The following MAP3K13 variants were observed in gnomAD, a reference collection of about 807,000 sequenced individuals.
MAP3K13 encodes mitogen-activated protein kinase kinase kinase 13, also known as leucine zipper-bearing kinase.
MAP3K13 carries 52 observed loss-of-function variants against 104.0 expected under a neutral mutation model. That is an observed-to-expected ratio of 0.50 (90% CI 0.40 to 0.63). The LOEUF (loss-of-function observed/expected upper bound fraction) is 0.63, where lower values mean the gene tolerates loss of function less well. Ranked by LOEUF, MAP3K13 falls within the 20% of genes least tolerant of loss-of-function variation. MAP3K13 has a pLI of 0.00. For missense variants in MAP3K13, 914 were observed against 1,218.5 expected (o/e 0.75, Z 3.72); for synonymous variants, 394 against 442.2 (o/e 0.89, Z 1.37).
At position 185,372,099 on chromosome 3, in the gene MAP3K13, A is replaced by G. The variant is rs552027639; in HGVS notation, c.-86+8731A>G. Among the ~76,000 whole-genome samples, 9 of 152,324 alleles carry G rather than the reference A, an allele frequency of 5.9e-5. No homozygotes were observed. The South Asian group carries it at 6.2e-4, about 11-fold the overall frequency. ...ACTCACCAATTATTTCCTCTCCCAT[A>G]ACAAATTTAGATACTATGCACACTA... On this transcript the variant is annotated intron_variant, in intron 1 of 13. Transcript: ENST00000265026.
intron 1 of MAP3K13, among the ~76,000 whole-genome samples, chr3:185,402,647 C>G (rs1413718806): frequency 6.6e-6 from 1 of 152,150 alleles, no homozygotes; most frequent in Non-Finnish European, 1.5e-5. Context: ...ACGTAGAGGC[C>G]AGATGATGCC....
chr3:185,420,240 G>A (rs995961593), intron 1 of MAP3K13, among the ~76,000 whole-genome samples: 1 of 151,986 alleles, frequency 6.6e-6, no homozygotes, highest in Admixed American at 6.6e-5. Context: ...TCAGGAGATG[G>A]TCCACAGTTA....
At chr3:185,384,367 T>C (rs1488072219) in intron 1 of MAP3K13, among the ~76,000 whole-genome samples, 1 of 151,716 alleles carries the variant, frequency 6.6e-6, no homozygotes, top group Non-Finnish European at 1.5e-5. Context: ...CATTTAACCA[T>C]TGATGAATAC....
intron 1 of MAP3K13, among the ~76,000 whole-genome samples, chr3:185,284,330 C>T (rs1358244910): frequency 1.3e-5 from 2 of 152,098 alleles, no homozygotes; most frequent in Non-Finnish European, 2.9e-5. Context: ...GTAAGGTTAA[C>T]TCCTTCTGAA....
intron 2 of MAP3K13, among the ~76,000 whole-genome samples, chr3:185,333,725 A>G (rs1324104177): frequency 6.6e-6 from 1 of 152,084 alleles, no homozygotes; most frequent in Non-Finnish European, 1.5e-5. Context: ...AAGACTTCAT[A>G]TCCATTTAAA....
At chr3:185,397,623 T>A (rs2108774071) in intron 1 of MAP3K13, among the ~76,000 whole-genome samples, 1 of 152,346 alleles carries the variant, frequency 6.6e-6, no homozygotes, top group East Asian at 1.9e-4. Context: ...AAGATCTCCT[T>A]AAAGCTCTCT....
At chr3:185,320,274 T>A (rs370385652) in intron 2 of MAP3K13, among the ~76,000 whole-genome samples, 1 of 152,008 alleles carries the variant, frequency 6.6e-6, no homozygotes, top group South Asian at 2.1e-4. Context: ...AGAGATAAGG[T>A]CTCACCATGT....
intron 7 of MAP3K13, among the ~76,000 whole-genome samples, chr3:185,455,016 T>TGAGATATATATGA (rs1208622133): frequency 7.9e-5 from 6 of 75,802 alleles, no homozygotes; most frequent in African/African-American, 2.8e-4. Context: ...GAGATATATA[T>TGAGATATATATGA]GATATATATG....
chr3:185,432,496 T>C (rs1714805062), intron 2 of MAP3K13, among the ~76,000 whole-genome samples: 1 of 152,092 alleles, frequency 6.6e-6, no homozygotes, highest in Admixed American at 6.6e-5. Flanking sequence ...GGCCCTAATT[T>C]GTTATTTTTT....
At chr3:185,283,374 G>A (rs1216651935) in intron 1 of MAP3K13, among the ~76,000 whole-genome samples, 2 of 152,036 alleles carry the variant, frequency 1.3e-5, no homozygotes, top group African/African-American at 2.4e-5. Context: ...CACCTACCCC[G>A]ACCTGTTCTG....
intron 1 of MAP3K13, among the ~76,000 whole-genome samples, chr3:185,404,823 C>T (rs377257554): frequency 4.6e-5 from 7 of 152,146 alleles, no homozygotes; most frequent in Admixed American, 1.3e-4. Flanking sequence ...GTGATCCGCC[C>T]GCCTCGCCTC....
At chr3:185,422,111 C>T (rs774575041) in intron 1 of MAP3K13, among the ~76,000 whole-genome samples, 5 of 152,180 alleles carry the variant, frequency 3.3e-5, no homozygotes, top group African/African-American at 1.2e-4. Flanking sequence ...TGTGGATAGG[C>T]GCAGGGTCAC....
intron 2 of MAP3K13, among the ~76,000 whole-genome samples, chr3:185,351,057 C>T (rs1723121820): frequency 6.6e-6 from 1 of 152,192 alleles, no homozygotes; most frequent in Non-Finnish European, 1.5e-5. Context: ...ATATTCCGTG[C>T]AGCAACATGG....
intron 2 of MAP3K13, among the ~76,000 whole-genome samples, chr3:185,300,552 C>T (rs879742290): frequency 2.0e-5 from 3 of 151,150 alleles, no homozygotes; most frequent in Admixed American, 6.6e-5. Flanking sequence ...AGTGCAATGG[C>T]GCCATCTCGG....
rs777002455 is a variant in MAP3K13 at position 185,428,883 on chromosome 3, A to C, written c.302A>C (p.Asn101Thr). ...DESETAVSQGNSNTVDGESTS... is the reference protein window; with the variant it reads ...DESETAVSQGTSNTVDGESTS... ...TCAGAGACGGCGGTGTCTCAGGGGAACAGCAACACGGTGGACGGAGAGAGC... is the reference window on the plus strand; with the variant it reads ...TCAGAGACGGCGGTGTCTCAGGGGACCAGCAACACGGTGGACGGAGAGAGC... Residue 101 changes from asparagine (N) to threonine (T), a missense_variant, in exon 2 of 14, where the codon AAC becomes ACC. Around this residue, in one of 3 missense-constraint regions of MAP3K13, gnomAD observed 156 missense variants for 159.8 expected, o/e 0.98. Coordinates refer to ENST00000265026, the MANE Select transcript of MAP3K13 (RefSeq NM_004721.5). The C allele has an allele frequency of 2.5e-6, 4 of 1,614,068 alleles. No homozygotes were observed. The highest frequency in any genetic ancestry group is 3.4e-6 in the Non-Finnish European group (4 of 1,180,030).
At chr3:185,461,126 C>T (rs1717074804) in intron 7 of MAP3K13, among the ~76,000 whole-genome samples, 1 of 152,196 alleles carries the variant, frequency 6.6e-6, no homozygotes, top group Non-Finnish European at 1.5e-5. Context: ...ATAGCATTAG[C>T]AGGGGCTCAA....
At chr3:185,461,945 A>G (rs1717133658) in intron 7 of MAP3K13, among the ~76,000 whole-genome samples, 2 of 152,148 alleles carry the variant, frequency 1.3e-5, no homozygotes, top group Admixed American at 6.6e-5. Context: ...ACCCTTATAC[A>G]CTGTTGGTGA....
At chr3:185,301,389 G>A (rs1721104325) in intron 2 of MAP3K13, among the ~76,000 whole-genome samples, 1 of 151,610 alleles carries the variant, frequency 6.6e-6, no homozygotes, top group South Asian at 2.1e-4. Context: ...AAGTTCTCTT[G>A]AGAAACTTTT....
chr3:185,389,150 A>T (rs894251414), intron 1 of MAP3K13, among the ~76,000 whole-genome samples: 1 of 152,172 alleles, frequency 6.6e-6, no homozygotes, highest in Non-Finnish European at 1.5e-5. Flanking sequence ...GTAAAGGTAA[A>T]CTAGGTACTT....
Sources: allele counts gnomAD v4.1 joint callset (sites outside exome capture counted in the v4.1 genomes callset), GRCh38; gene constraint gnomAD v4.1.1; regional missense constraint gnomAD v4.1.1; transcripts MANE v1.5; gene names NCBI Gene and HGNC (gene_info 2026-07-23, HGNC 2026-07-21).